The following SLC7A2 variants were observed in gnomAD, a reference collection of about 807,000 sequenced individuals.
SLC7A2 encodes solute carrier family 7 member 2.
Under a neutral mutation model 58.9 loss-of-function variants are expected in SLC7A2, and 48 were observed. The ratio of observed to expected loss-of-function variants is 0.82; its 90% confidence interval spans 0.65 to 1.04. The LOEUF is 1.04. Among genes scored for constraint, SLC7A2 ranks in the 50% least tolerant of loss-of-function variants. The probability of loss-of-function intolerance (pLI) is 0.00; values close to 1 mark genes in which losing one functional copy is unlikely to be tolerated. For synonymous variants in SLC7A2, 363 were observed against 314.5 expected (o/e 1.15, Z -1.63); for missense variants, 1,029 against 818.8 (o/e 1.26, Z -3.13).
chr8:17,495,111 A>C (rs925484715), upstream of SLC7A2, among the ~76,000 whole-genome samples: 17 of 152,246 alleles, frequency 1.1e-4, no homozygotes, highest in African/African-American at 3.4e-4. Context: ...GCTTAAGTTT[A>C]AAAATAGGAA....
intron 2 of SLC7A2, chr8:17,538,799 G>A: frequency 1.2e-6 from 2 of 1,613,386 alleles, no homozygotes; most frequent in South Asian, 1.1e-5. Flanking sequence ...AAGAGCAGAT[G>A]TCTCACCACG....
chr8:17,511,539 C>A (rs1380146157), intron 2 of SLC7A2, among the ~76,000 whole-genome samples: 1 of 152,150 alleles, frequency 6.6e-6, no homozygotes, highest in Non-Finnish European at 1.5e-5. Context: ...CCTGTTATTA[C>A]ATTTGTTGTA....
At chr8:17,507,445 C>T (rs906262318) in intron 2 of SLC7A2, among the ~76,000 whole-genome samples, 3 of 151,982 alleles carry the variant, frequency 2.0e-5, no homozygotes, top group Non-Finnish European at 4.4e-5. Context: ...AACTCCTGGC[C>T]TCAAATGATC....
chr8:17,506,908 C>T (rs144257728), intron 2 of SLC7A2, among the ~76,000 whole-genome samples: 2 of 149,552 alleles, frequency 1.3e-5, no homozygotes, highest in Non-Finnish European at 3.0e-5. Context: ...TTTGTGAAAA[C>T]AAATAATAAT....
intron 4 of SLC7A2, among the ~76,000 whole-genome samples, chr8:17,545,403 CTTTTTTTTTTTT>C (rs386412194): frequency 2.3e-4 from 15 of 64,302 alleles, no homozygotes. Context: ...TGAACATTTT[CTTTTTTTTTTTT>C]TTTTTTTTTT....
At chr8:17,558,613 C>G (rs1434329373) in intron 9 of SLC7A2, among the ~76,000 whole-genome samples, 2 of 152,198 alleles carry the variant, frequency 1.3e-5, no homozygotes, top group African/African-American at 4.8e-5. Flanking sequence ...TTGGCCTGAT[C>G]TACATGAAAG....
chr8:17,546,534 G>A (rs1802182558), intron 4 of SLC7A2, among the ~76,000 whole-genome samples: 1 of 152,198 alleles, frequency 6.6e-6, no homozygotes, highest in Non-Finnish European at 1.5e-5. Flanking sequence ...AGTAGACAGT[G>A]CATATATGCT....
chr8:17,534,712 A>C (rs962519362), intron 2 of SLC7A2, among the ~76,000 whole-genome samples: 1 of 146,694 alleles, frequency 6.8e-6, no homozygotes, highest in Non-Finnish European at 1.5e-5. Context: ...AAAAAAAAAA[A>C]ACAAGACAAA....
intron 2 of SLC7A2, among the ~76,000 whole-genome samples, chr8:17,533,140 G>T (rs1203623863): frequency 6.6e-6 from 1 of 152,086 alleles, no homozygotes; most frequent in East Asian, 1.9e-4. Context: ...GCACACAATG[G>T]GAGTATTTTA....
At chr8:17,539,562 A>G (rs558469691) in intron 2 of SLC7A2, among the ~76,000 whole-genome samples, 103 of 152,364 alleles carry the variant, frequency 6.8e-4, no homozygotes, top group African/African-American at 2.3e-3. Flanking sequence ...TGGTATTGCC[A>G]GAATCACTTG....
At position 17,517,812 on chromosome 8, in the gene SLC7A2, G is replaced by A. The variant is rs77925245; in HGVS notation, c.-23+15510G>A. On this transcript the variant is annotated intron_variant, in intron 2 of 12. Coordinates refer to ENST00000494857, the MANE Select transcript of SLC7A2 (RefSeq NM_001370338.1). ...GACCTTCAAATTTTCTTTCATCAGC[G>A]GAGTGTTAGGGGGCTGCCGAGAGCC... Among the ~76,000 whole-genome samples, 332 of 152,052 alleles carry A rather than the reference G, an allele frequency of 2.2e-3. 1 individual carries two copies. Among genetic ancestry groups the A allele is most frequent in the African/African-American group, 7.4e-3 (305 of 41,442 alleles).
chr8:17,538,385 G>A (rs1176750950), intron 2 of SLC7A2, among the ~76,000 whole-genome samples: 2 of 152,208 alleles, frequency 1.3e-5, no homozygotes, highest in Non-Finnish European at 2.9e-5. Flanking sequence ...AGTGAATATG[G>A]AAGAGTGTTC....
At chr8:17,505,864 G>A (rs888746038) in intron 2 of SLC7A2, among the ~76,000 whole-genome samples, 2 of 152,006 alleles carry the variant, frequency 1.3e-5, no homozygotes, top group African/African-American at 4.8e-5. Flanking sequence ...ACCAGTGGAA[G>A]CATCCTTGCA....
At chr8:17,504,861 T>C (rs1685145342) in intron 2 of SLC7A2, among the ~76,000 whole-genome samples, 1 of 152,204 alleles carries the variant, frequency 6.6e-6, no homozygotes, top group East Asian at 1.9e-4. Context: ...CAGTTTTTTC[T>C]AATGAAAGGC....
chr8:17,560,427 C>A lies in SLC7A2; in HGVS notation c.1398C>A (p.Val466=). Reference sequence around the variant, plus strand: ...TAACCTCGAAGAGTGAGTCCCAGGTCACCATGCTGCAGAGACAGGGCTTCA... The same window carrying A: ...TAACCTCGAAGAGTGAGTCCCAGGTAACCATGCTGCAGAGACAGGGCTTCA... The part of the protein sequence containing the change: ...PRVTSKSESQ[V]TMLQRQGFSM... Residue 466 remains valine, a synonymous_variant, in exon 10 of 13, where the codon GTC becomes GTA. Transcript: ENST00000494857. 1 of 1,614,076 alleles carries A rather than the reference C, an allele frequency of 6.2e-7. No individual in the cohort carries two copies. Among genetic ancestry groups the A allele is most frequent in the Non-Finnish European group, 8.5e-7 (1 of 1,179,932 alleles).
At chr8:17,521,942 C>A (rs1417324127) in intron 2 of SLC7A2, among the ~76,000 whole-genome samples, 1 of 152,120 alleles carries the variant, frequency 6.6e-6, no homozygotes, top group Non-Finnish European at 1.5e-5. Context: ...TTGGAAAGTT[C>A]TTTTAACAGA....
chr8:17,494,290 A>G (rs1311627252), upstream of SLC7A2, among the ~76,000 whole-genome samples: 2 of 152,182 alleles, frequency 1.3e-5, no homozygotes, highest in Non-Finnish European at 2.9e-5. Flanking sequence ...TTCAGCTACA[A>G]AAGTCCCTTA....
At chr8:17,520,498 G>A (rs1406756392) in intron 2 of SLC7A2, among the ~76,000 whole-genome samples, 3 of 151,390 alleles carry the variant, frequency 2.0e-5, no homozygotes, top group South Asian at 2.1e-4. Flanking sequence ...AAAATTAGCC[G>A]AGTGTGGTGG....
intron 2 of SLC7A2, among the ~76,000 whole-genome samples, chr8:17,510,093 G>T (rs553393804): frequency 4.6e-5 from 7 of 151,976 alleles, no homozygotes; most frequent in African/African-American, 1.2e-4. Flanking sequence ...GATAGCAGGC[G>T]ACTGTAATCC....
Sources: gnomAD v4.1 joint callset for allele counts (sites outside exome capture counted in the v4.1 genomes callset) on GRCh38, gnomAD v4.1.1 for gene constraint, MANE v1.5 for transcripts, NCBI Gene and HGNC (gene_info 2026-07-23, HGNC 2026-07-21) for gene names.